The following MANBA variants were observed in gnomAD, a reference collection of about 807,000 sequenced individuals.
The protein encoded by MANBA is beta-mannosidase.
In MANBA, 83 loss-of-function variants were observed where a neutral mutation model predicts 111.1. The ratio of observed to expected loss-of-function variants is 0.75; its 90% CI spans 0.63 to 0.90. MANBA has a LOEUF of 0.90. Among genes scored for constraint, MANBA ranks in the 40% least tolerant of loss-of-function variants. The pLI is 0.00. For missense variants in MANBA, 1,036 were observed against 1,069.0 expected (o/e 0.97, Z 0.43); for synonymous variants, 370 against 378.7 (o/e 0.98, Z 0.27).
chr4:102,706,667 T>C (rs182992554), intron 5 of MANBA, among the ~76,000 whole-genome samples: 93 of 152,234 alleles, frequency 6.1e-4, no homozygotes, highest in African/African-American at 2.2e-3. Flanking sequence ...AAGACATTCA[T>C]TGAGATGCAA....
At chr4:102,753,101 T>C (rs1009843883) in intron 1 of MANBA, among the ~76,000 whole-genome samples, 1 of 151,920 alleles carries the variant, frequency 6.6e-6, no homozygotes, top group South Asian at 2.1e-4. Flanking sequence ...ATCTTTATAA[T>C]GGGGTGTATG....
chr4:102,654,229 G>A (rs796662536), intron 12 of MANBA, among the ~76,000 whole-genome samples: 4 of 152,090 alleles, frequency 2.6e-5, no homozygotes, highest in African/African-American at 7.2e-5. Flanking sequence ...TCCTACCTGC[G>A]TCAGGATACT....
intron 7 of MANBA, among the ~76,000 whole-genome samples, chr4:102,688,624 C>A (rs1256215508): frequency 1.3e-5 from 2 of 152,178 alleles, no homozygotes; most frequent in African/African-American, 2.4e-5. Context: ...AATACCATTT[C>A]TACTAACTAT....
At chr4:102,739,270 C>G (rs758506718) in intron 1 of MANBA, among the ~76,000 whole-genome samples, 140 of 152,094 alleles carry the variant, frequency 9.2e-4, no homozygotes, top group Middle Eastern at 3.2e-3. Context: ...TAGAAACTCT[C>G]AACAGACCAA....
At chr4:102,737,728 C>T (rs1025391159) in intron 1 of MANBA, among the ~76,000 whole-genome samples, 23 of 152,126 alleles carry the variant, frequency 1.5e-4, no homozygotes, top group Non-Finnish European at 2.5e-4. Context: ...GTGATCCGCC[C>T]GCCTCGGCCT....
chr4:102,730,831 G>T (rs573704750), intron 1 of MANBA: 12 of 399,230 alleles, frequency 3.0e-5, no homozygotes, highest in Non-Finnish European at 5.9e-5. Context: ...CAACTATCTT[G>T]TTCTTCCTTG....
intron 7 of MANBA, among the ~76,000 whole-genome samples, chr4:102,674,838 T>G (rs1407065812): frequency 1.6e-4 from 24 of 152,256 alleles, no homozygotes. Flanking sequence ...TATAAGATTT[T>G]ATACCAATAA....
chr4:102,737,404 T>C (rs534334872), intron 1 of MANBA, among the ~76,000 whole-genome samples: 2 of 152,076 alleles, frequency 1.3e-5, no homozygotes, highest in African/African-American at 4.8e-5. Flanking sequence ...AAGTCAGTGC[T>C]GTTGGGGGGG....
chr4:102,734,523 G>C, intron 1 of MANBA: 1 of 1,608,250 alleles, frequency 6.2e-7, no homozygotes, highest in Admixed American at 1.7e-5. Context: ...TGAACCATCT[G>C]AGCTCAGAAG....
intron 5 of MANBA, among the ~76,000 whole-genome samples, chr4:102,709,846 G>T (rs910883731): frequency 6.6e-6 from 1 of 152,094 alleles, no homozygotes; most frequent in African/African-American, 2.4e-5. Flanking sequence ...AGGGATGCAA[G>T]GATCTTACAT....
chr4:102,711,972 TAGAA>T (rs1156272457), intron 5 of MANBA, among the ~76,000 whole-genome samples: 1 of 152,164 alleles, frequency 6.6e-6, no homozygotes, highest in Non-Finnish European at 1.5e-5. Flanking sequence ...TGCATTTAAA[TAGAA>T]GGAATAAGTT....
chr4:102,723,169 G>A, intron 3 of MANBA, 128 bp from the exon 4 acceptor site: 2 of 815,380 alleles, frequency 2.5e-6, no homozygotes, highest in Non-Finnish European at 4.1e-6. Context: ...CCTCCTTGCA[G>A]GAGGGAACAC....
chr4:102,699,090 T>A (rs1732883623), intron 5 of MANBA, among the ~76,000 whole-genome samples: 1 of 152,126 alleles, frequency 6.6e-6, no homozygotes, highest in African/African-American at 2.4e-5. Context: ...GTAAGGTGGA[T>A]TCCTAGGTAT....
intron 9 of MANBA, 138 bp from the exon 10 acceptor site, chr4:102,669,187 C>T (rs919120593): frequency 2.2e-5 from 16 of 714,834 alleles, no homozygotes; most frequent in African/African-American, 7.1e-5. Context: ...ATCACTGGGG[C>T]GCCATTATGC....
At chr4:102,724,011 T>A in intron 2 of MANBA, 44 bp from the exon 3 acceptor site, 1 of 995,160 alleles carries the variant, frequency 1.0e-6, no homozygotes, top group Non-Finnish European at 1.6e-6. Context: ...TGTAAAGCAT[T>A]AACTTAGATA....
intron 6 of MANBA, 24 bp downstream of exon 6, chr4:102,690,572 T>G: frequency 6.2e-7 from 1 of 1,602,502 alleles, no homozygotes; most frequent in Non-Finnish European, 8.5e-7. Context: ...CATCCAGTGC[T>G]TCTCAGGAAG....
At chr4:102,732,131 G>A (rs773060731) in intron 1 of MANBA, among the ~76,000 whole-genome samples, 3 of 152,034 alleles carry the variant, frequency 2.0e-5, no homozygotes, top group East Asian at 1.9e-4. Context: ...GGCTGGTCTC[G>A]AACTCCTGAC....
chr4:102,635,221 GTCT>G (rs1411248068), intron 15 of MANBA, among the ~76,000 whole-genome samples, 176 bp from the exon 16 acceptor site: 1 of 152,116 alleles, frequency 6.6e-6, no homozygotes, highest in Admixed American at 6.5e-5. Context: ...TAACTTCTCA[GTCT>G]TCATTTCTTC....
chr4:102,734,552 G>T, intron 1 of MANBA: 1 of 1,608,328 alleles, frequency 6.2e-7, no homozygotes, highest in African/African-American at 1.3e-5. Flanking sequence ...TGACGAGGAA[G>T]CCCAAGGCTA....
Sources: gnomAD v4.1 joint callset for allele counts (sites outside exome capture counted in the v4.1 genomes callset) on GRCh38, gnomAD v4.1.1 for gene constraint, MANE v1.5 for transcripts, NCBI Gene and HGNC (gene_info 2026-07-23, HGNC 2026-07-21) for gene names.